Variants in POU2AF2 observed in about 807,000 individuals in gnomAD.
POU2AF2 encodes POU class 2 homeobox associating factor 2.
At chr11:111,264,491 C>CGAAA in the POU2AF2 span, among the ~76,000 whole-genome samples, 121 of 86,054 alleles carry the variant, frequency 1.4e-3, 4 homozygotes, top group East Asian at 4.0e-3. Flanking sequence ...GCAAGACTCA[C>CGAAA]GAAAGAAAGA....
At chr11:111,284,291 C>A in the POU2AF2 span, 2 of 1,613,740 alleles carry the variant, frequency 1.2e-6, no homozygotes, top group African/African-American at 1.3e-5. Flanking sequence ...GGCGCTGACG[C>A]CCAACGCGGG....
the POU2AF2 span, among the ~76,000 whole-genome samples, chr11:111,275,576 A>T: frequency 1.3e-5 from 2 of 152,112 alleles, no homozygotes; most frequent in Non-Finnish European, 2.9e-5. Flanking sequence ...AGCAGCCTCA[A>T]TTCAGGACCC....
chr11:111,248,217 T>C, the POU2AF2 span, among the ~76,000 whole-genome samples: 1 of 152,166 alleles, frequency 6.6e-6, no homozygotes, highest in East Asian at 1.9e-4. Flanking sequence ...CCACTAACCC[T>C]GAGTTCCTAG....
the POU2AF2 span, among the ~76,000 whole-genome samples, chr11:111,247,917 C>CGCTCAG: frequency 2.6e-5 from 3 of 117,224 alleles, no homozygotes; most frequent in Non-Finnish European, 4.9e-5. Flanking sequence ...CTCGCTTTGT[C>CGCTCAG]GCTCAGGCTG....
chr11:111,284,196 C>A, the POU2AF2 span: 1 of 1,614,224 alleles, frequency 6.2e-7, no homozygotes, highest in Non-Finnish European at 8.5e-7. Context: ...AAGCCGTTTC[C>A]CTGTGAGTCC....
chr11:111,283,924 A>G, the POU2AF2 span: 2 of 755,824 alleles, frequency 2.6e-6, no homozygotes, highest in Middle Eastern at 3.1e-4. Flanking sequence ...GGAATATTTC[A>G]CGCTTTTCAA....
chr11:111,284,075 G>GGTTCGCCGGTCACGTCAGGTTACTACGGT, the POU2AF2 span: 1 of 1,607,846 alleles, frequency 6.2e-7, no homozygotes, highest in South Asian at 1.1e-5. Context: ...TTTGGCAACA[G>GGTTCGCCGGTCACGTCAGGTTACTACGGT]GTTCGCCGGT....
At chr11:111,285,751 C>T in the POU2AF2 span, 1 of 1,613,492 alleles carries the variant, frequency 6.2e-7, no homozygotes, top group Non-Finnish European at 8.5e-7. Context: ...CGAGTTGCCT[C>T]TCCCAGCTTG....
chr11:111,256,361 A>T, the POU2AF2 span, among the ~76,000 whole-genome samples: 276 of 152,300 alleles, frequency 1.8e-3, 2 homozygotes, highest in African/African-American at 6.3e-3. Flanking sequence ...AAGAGTTTTC[A>T]TGCCCTTTTT....
chr11:111,265,500 C>T, the POU2AF2 span, among the ~76,000 whole-genome samples: 4 of 152,124 alleles, frequency 2.6e-5, no homozygotes, highest in Non-Finnish European at 4.4e-5. Context: ...TCTCACTTCT[C>T]TGGGCCTCAG....
the POU2AF2 span, chr11:111,284,391 G>A: frequency 1.3e-6 from 2 of 1,577,408 alleles, no homozygotes; most frequent in Admixed American, 1.8e-5. Flanking sequence ...AGTATGCAGA[G>A]ACCTCGTGTG....
the POU2AF2 span, among the ~76,000 whole-genome samples, chr11:111,253,934 C>T: frequency 2.0e-5 from 3 of 152,208 alleles, no homozygotes; most frequent in East Asian, 5.8e-4. Flanking sequence ...ACCCTGCCTT[C>T]CCTGAGTCTC....
the POU2AF2 span, among the ~76,000 whole-genome samples, chr11:111,267,765 T>C: frequency 2.0e-5 from 3 of 152,202 alleles, no homozygotes; most frequent in Admixed American, 2.0e-4. Flanking sequence ...TCTCTCATAG[T>C]TGTACACACT....
At chr11:111,265,533 C>A in the POU2AF2 span, among the ~76,000 whole-genome samples, 2 of 152,052 alleles carry the variant, frequency 1.3e-5, no homozygotes, top group Non-Finnish European at 1.5e-5. Context: ...TAAATGGGAA[C>A]GGTGATAGCT....
At chr11:111,248,216 C>T in the POU2AF2 span, among the ~76,000 whole-genome samples, 12 of 152,170 alleles carry the variant, frequency 7.9e-5, no homozygotes, top group African/African-American at 2.7e-4. Context: ...ACCACTAACC[C>T]TGAGTTCCTA....
At chr11:111,264,860 G>GAGACGGAAGGAAGGAAAAGAAAAT in the POU2AF2 span, among the ~76,000 whole-genome samples, 1 of 130,200 alleles carries the variant, frequency 7.7e-6, no homozygotes, top group African/African-American at 2.9e-5. Flanking sequence ...GAAAAGAAAA[G>GAGACGGAAGGAAGGAAAAGAAAAT]AGACAGAAGG....
At chr11:111,262,263 G>A in the POU2AF2 span, among the ~76,000 whole-genome samples, 1 of 152,216 alleles carries the variant, frequency 6.6e-6, no homozygotes, top group African/African-American at 2.4e-5. Flanking sequence ...GGGAACAGAA[G>A]GTGAATAGGC....
At chr11:111,262,196 T>C in the POU2AF2 span, among the ~76,000 whole-genome samples, 5 of 152,234 alleles carry the variant, frequency 3.3e-5, no homozygotes, top group African/African-American at 9.6e-5. Flanking sequence ...GGAGGGTTAA[T>C]ATTACAAGCA....
chr11:111,256,475 A>G, the POU2AF2 span, among the ~76,000 whole-genome samples: 2 of 152,252 alleles, frequency 1.3e-5, no homozygotes, highest in Admixed American at 1.3e-4. Context: ...CATAAATCAC[A>G]GTCAATAAAT....
Sources: allele counts gnomAD v4.1 joint callset (sites outside exome capture counted in the v4.1 genomes callset), GRCh38; gene constraint gnomAD v4.1.1; transcripts MANE v1.5; gene names NCBI Gene and HGNC (gene_info 2026-07-23, HGNC 2026-07-21).